Variants in ADGRG1 observed in about 807,000 individuals in gnomAD.
The protein encoded by ADGRG1 is adhesion G protein-coupled receptor G1, also known as 7-transmembrane protein with no EGF-like N-terminal domains-1.
ADGRG1 carries 53 observed loss-of-function variants against 73.5 expected under a neutral mutation model. That is an observed-to-expected ratio of 0.72 (90% CI 0.58 to 0.91). ADGRG1 has a LOEUF of 0.91. Ranked by LOEUF, ADGRG1 falls within the 40% of genes least tolerant of loss-of-function variation. The pLI, the probability that ADGRG1 is intolerant of heterozygous loss-of-function variation, is 0.00. For missense variants in ADGRG1, 795 were observed against 871.8 expected, an observed-to-expected ratio of 0.91 and a Z score of 1.11; for synonymous variants, 394 against 374.4, an observed-to-expected ratio of 1.05 and a Z score of -0.60.
At chr16:57,647,997 G>A (rs928279783) in intron 1 of ADGRG1, 2 of 153,394 alleles carry the variant, frequency 1.3e-5, no homozygotes, top group Admixed American at 6.5e-5. Flanking sequence ...GGCTCACTTT[G>A]AAGGTCAGTA....
At chr16:57,644,921 G>GCA (rs57950461) in intron 1 of ADGRG1, 13,055 of 186,242 alleles carry the variant, frequency 0.07, 638 homozygotes, top group East Asian at 0.13. Context: ...CATAACTCAT[G>GCA]CACACACACA....
In ADGRG1 at chr16:57,651,279, C is replaced by T. The variant is rs780603969; in HGVS notation, c.144C>T (p.Tyr48=). ...RNQTHRSSLH[Y]KPTPDLRISI... ...AGACACACAGGAGCAGCCTCCACTA[C>T]AAACCCACACCAGACCTGCGCATCT... is the stretch of plus-strand genomic sequence containing the variant. The change falls in exon 3 of 14, where the codon TAC becomes TAT. Residue 48 remains tyrosine, a synonymous_variant. Transcript: ENST00000562631. 6.2e-7 allele frequency: 1 copy of T among 1,614,226 alleles called. No individual in the cohort carries two copies. The highest frequency in any genetic ancestry group is 1.7e-5 in the Admixed American group (1 of 60,034).
At chr16:57,625,267 G>A (rs2035614206), upstream of ADGRG1, among the ~76,000 whole-genome samples, 1 of 152,192 alleles carries the variant, frequency 6.6e-6, no homozygotes, top group African/African-American at 2.4e-5. Flanking sequence ...GAAGCAGGGG[G>A]GACCTGTGGC....
upstream of ADGRG1, chr16:57,625,394 T>A (rs1205645640): frequency 6.3e-6 from 1 of 158,358 alleles, no homozygotes; most frequent in African/African-American, 2.4e-5. Flanking sequence ...TTCAGACATC[T>A]TCCCCCTCTC....
intron 1 of ADGRG1, chr16:57,629,844 G>A (rs750632052): frequency 6.6e-5 from 12 of 183,024 alleles, no homozygotes; most frequent in African/African-American, 1.4e-4. Context: ...GTCCTCCCCC[G>A]TCCCCAACCC....
At position 57,663,702 on chromosome 16, in the gene ADGRG1, G is replaced by C; in HGVS notation, c.*120G>C. On this transcript the variant is annotated 3_prime_UTR_variant, in exon 14 of 14. Coordinates refer to ENST00000562631, the MANE Select transcript of ADGRG1 (RefSeq NM_201525.4). The stretch of plus-strand genomic sequence containing the variant: ...AGCCGCAGACTTTGGAAAGCCCAAC[G>C]ACCATGGAGAGATGGGCCGTTGCCA... 1.7e-6 allele frequency: 2 copies of C among 1,149,392 alleles called. No homozygotes were observed. The highest frequency in any genetic ancestry group is 1.3e-5 in the South Asian group (1 of 78,594). The allele number at this position is 1,149,392 out of a possible 1,614,324, so 71.2% of individuals were successfully genotyped here.
chr16:57,648,065 G>A (rs1965226), intron 1 of ADGRG1: 88,941 of 152,106 alleles, frequency 0.58, 26,565 homozygotes, highest in African/African-American at 0.72. Flanking sequence ...TGTGACCTCA[G>A]GAGGTCACTG....
At chr16:57,628,450 A>C, upstream of ADGRG1, 1 of 912,020 alleles carries the variant, frequency 1.1e-6, no homozygotes, top group Non-Finnish European at 1.3e-6. Context: ...AGTCATGGGC[A>C]TCCCCCAGGA....
chr16:57,642,213 G>A (rs1377820645), intron 1 of ADGRG1: 1 of 985,296 alleles, frequency 1.0e-6, no homozygotes, highest in African/African-American at 1.7e-5. Flanking sequence ...TGGCACACCT[G>A]GGACAGGCCT....
At chr16:57,629,242 G>A (rs563709754) in intron 1 of ADGRG1, 124 of 878,578 alleles carry the variant, frequency 1.4e-4, no homozygotes, top group African/African-American at 1.4e-3. Context: ...GAGTGGGGGC[G>A]GACCCACAAG....
At chr16:57,644,660 C>G (rs2041947905) in intron 1 of ADGRG1, among the ~76,000 whole-genome samples, 1 of 138,314 alleles carries the variant, frequency 7.2e-6, no homozygotes, top group Admixed American at 8.1e-5. Context: ...GCACACTCAT[C>G]ACACACTCCT....
intron 1 of ADGRG1, among the ~76,000 whole-genome samples, chr16:57,629,647 C>T (rs1369782026): frequency 6.6e-6 from 1 of 152,182 alleles, no homozygotes; most frequent in Non-Finnish European, 1.5e-5. Context: ...CCCGCAGGGT[C>T]TCTGAACGTG....
Position 57,651,298 on chromosome 16 carries a change from C to A in ADGRG1, c.163C>A (p.Arg55Ser). 1.2e-6 allele frequency: 2 copies of A among 1,614,104 alleles called. No individual in the cohort carries two copies. ...SLHYKPTPDL[R>S]ISIENSEEAL... ...CCACTACAAACCCACACCAGACCTG[C>A]GCATCTCCATCGAGAACTCCGAAGA... Residue 55 changes from arginine to serine, a missense_variant, in exon 3 of 14, where the codon CGC (arginine) becomes AGC (serine). Arg to Ser is a moderately radical substitution (Grantham distance 110). Coordinates refer to ENST00000562631, the MANE Select transcript of ADGRG1 (RefSeq NM_201525.4).
chr16:57,648,619 G>A (rs988356817), intron 1 of ADGRG1: 1 of 984,520 alleles, frequency 1.0e-6, no homozygotes, highest in South Asian at 4.7e-5. Context: ...TCAATGATTT[G>A]GTTCAAAAGC....
At chr16:57,629,663 C>T (rs1352596131) in intron 1 of ADGRG1, among the ~76,000 whole-genome samples, 4 of 152,184 alleles carry the variant, frequency 2.6e-5, no homozygotes, top group African/African-American at 7.2e-5. Context: ...ACGTGGGCCA[C>T]GTGGGTGAGA....
At chr16:57,653,823 C>T in intron 4 of ADGRG1, 163 bp from the exon 5 acceptor site, 1 of 985,152 alleles carries the variant, frequency 1.0e-6, no homozygotes, top group Non-Finnish European at 1.2e-6. Context: ...TCTCTTTTGT[C>T]TGCTCTCCAC....
chr16:57,624,295 T>A (rs2035419507), upstream of ADGRG1: 3 of 288,366 alleles, frequency 1.0e-5, no homozygotes, highest in African/African-American at 6.9e-5. Context: ...AGCTCAGGAG[T>A]TCAAGACTAG....
upstream of ADGRG1, chr16:57,627,798 AG>A: frequency 1.0e-6 from 1 of 985,466 alleles, no homozygotes; most frequent in Non-Finnish European, 1.2e-6. Context: ...TGACTCGAGA[AG>A]GGCACTGAAC....
At chr16:57,648,830 A>G (rs2043307788) in intron 1 of ADGRG1, 2 of 415,536 alleles carry the variant, frequency 4.8e-6, no homozygotes, top group Non-Finnish European at 6.5e-6. Context: ...TGGCAAGTCT[A>G]CAAGTGCCAG....
Sources: allele counts gnomAD v4.1 joint callset (sites outside exome capture counted in the v4.1 genomes callset), GRCh38; gene constraint gnomAD v4.1.1; transcripts MANE v1.5; gene names NCBI Gene and HGNC (gene_info 2026-07-23, HGNC 2026-07-21).